ADARB2: variants seen among roughly 807,000 people sequenced by gnomAD.
The protein encoded by ADARB2 is inactive double-stranded RNA-specific editase B2.
Under a neutral mutation model 62.2 loss-of-function variants are expected in ADARB2, and 25 were observed. The observed-to-expected ratio is 0.40, with a 90% CI of 0.29 to 0.56. The LOEUF (loss-of-function observed/expected upper bound fraction) is 0.56, where lower values mean the gene tolerates loss of function less well. Among genes scored for constraint, ADARB2 ranks in the 20% least tolerant of loss-of-function variants. The probability of loss-of-function intolerance (pLI) is 0.43; values close to 1 mark genes in which losing one functional copy is unlikely to be tolerated. For synonymous variants in ADARB2, 572 were observed against 500.8 expected (o/e 1.14, Z -1.90); for missense variants, 1,071 against 1,077.4 (o/e 0.99, Z 0.08).
intron 8 of ADARB2, among the ~76,000 whole-genome samples, chr10:1,198,342 C>G (rs560852831): frequency 2.2e-4 from 34 of 152,210 alleles, no homozygotes; most frequent in Non-Finnish European, 4.6e-4. Context: ...TTCAAGCAAA[C>G]TTCATTTGCT....
chr10:1,566,103 A>C (rs4880872), intron 1 of ADARB2, among the ~76,000 whole-genome samples: 119,978 of 129,650 alleles, frequency 0.93, 55,616 homozygotes, highest in Admixed American at 0.96. Flanking sequence ...AAAAAAAAAA[A>C]AAAAAAACTC....
Position 1,271,097 on chromosome 10 carries a change from G to A in ADARB2, c.1078-28C>T, listed in dbSNP as rs368226163. 3.2e-5 allele frequency: 51 copies of A among 1,592,802 alleles called. 1 individual carries two copies. Among genetic ancestry groups the A allele is most frequent in the East Asian group, 4.5e-5 (2 of 44,566 alleles). On this transcript the variant is annotated intron_variant, in intron 3 of 9. Coordinates refer to ENST00000381312, the MANE Select transcript of ADARB2 (RefSeq NM_018702.4). Reference sequence around the variant, plus strand: ...GAAAGACACAAGCACAGGCCTCCACGTTGGGCTGAGCAGGTGCCGTGGAGG... The same window carrying A: ...GAAAGACACAAGCACAGGCCTCCACATTGGGCTGAGCAGGTGCCGTGGAGG...
intron 6 of ADARB2, among the ~76,000 whole-genome samples, chr10:1,230,991 T>C (rs1830799161): frequency 6.6e-6 from 1 of 152,200 alleles, no homozygotes; most frequent in Non-Finnish European, 1.5e-5. Flanking sequence ...TATTTGTTTT[T>C]CTAAAGCACA....
chr10:1,539,329 G>A (rs1013720792), intron 1 of ADARB2, among the ~76,000 whole-genome samples: 5 of 152,346 alleles, frequency 3.3e-5, no homozygotes, highest in African/African-American at 1.2e-4. Flanking sequence ...CCTAAGCCTT[G>A]CAGGTGTTAG....
chr10:1,277,006 A>G (rs1407123816), intron 3 of ADARB2, among the ~76,000 whole-genome samples: 2 of 152,230 alleles, frequency 1.3e-5, no homozygotes, highest in Admixed American at 1.3e-4. Context: ...CTGAATGACT[A>G]CTGGGTACAT....
intron 3 of ADARB2, among the ~76,000 whole-genome samples, chr10:1,311,318 T>C (rs1831688330): frequency 6.6e-6 from 1 of 152,202 alleles, no homozygotes. Flanking sequence ...CAGTTTTGTT[T>C]AGGCTTTTGG....
At chr10:1,537,838 G>A (rs1832353623) in intron 1 of ADARB2, among the ~76,000 whole-genome samples, 1 of 152,148 alleles carries the variant, frequency 6.6e-6, no homozygotes. Flanking sequence ...GGGAGGGACA[G>A]CATTAGGACA....
At chr10:1,309,966 C>T (rs1205567862) in intron 3 of ADARB2, among the ~76,000 whole-genome samples, 1 of 152,268 alleles carries the variant, frequency 6.6e-6, no homozygotes, top group Admixed American at 6.5e-5. Context: ...CAGCGTCTTC[C>T]ATCCCTGAGA....
rs138371558 is a variant in ADARB2 at position 1,507,107 on chromosome 10, G to A, written c.101-127947C>T. On this transcript the variant is annotated intron_variant, in intron 1 of 9. Transcript: ENST00000381312. Reference sequence around the variant, plus strand: ...GCCCAAGACGGTGGCCGAGACAGAAGCACTTCTGAGTCCTAGGGTGTTACT... The same window carrying A: ...GCCCAAGACGGTGGCCGAGACAGAAACACTTCTGAGTCCTAGGGTGTTACT... Among the ~76,000 whole-genome samples the A allele has an allele frequency of 6.2e-3, 944 of 152,358 alleles. 10 individuals carry two copies. Among genetic ancestry groups the A allele is most frequent in the African/African-American group, 0.021 (875 of 41,574 alleles).
chr10:1,666,351 A>G (rs1834316134), intron 1 of ADARB2, among the ~76,000 whole-genome samples: 2 of 152,220 alleles, frequency 1.3e-5, no homozygotes, highest in East Asian at 3.9e-4. Context: ...GCCGCAGCTC[A>G]TCTGCGAGTC....
At chr10:1,414,354 T>A (rs1832784240) in intron 1 of ADARB2, among the ~76,000 whole-genome samples, 1 of 152,198 alleles carries the variant, frequency 6.6e-6, no homozygotes, top group Non-Finnish European at 1.5e-5. Context: ...CACCAAGCTC[T>A]GTGCTAAAGG....
intron 3 of ADARB2, among the ~76,000 whole-genome samples, chr10:1,354,257 C>T (rs531463127): frequency 9.8e-5 from 15 of 152,296 alleles, no homozygotes; most frequent in South Asian, 2.1e-4. Context: ...CCATCATATT[C>T]GCTGTGACCT....
chr10:1,540,500 ATCACAGCCGCCCAG>A lies in ADARB2; in HGVS notation c.101-161354_101-161341del, dbSNP rs1233548878. ...CACTCAGACGTAGTTCAGACCCTGG[ATCACAGCCGCCCAG>A]ACCCCACTCAGACGTAGTTCAGACC... is the stretch of plus-strand genomic sequence containing the variant. On this transcript the variant is annotated intron_variant, in intron 1 of 9. Transcript: ENST00000381312. Among the ~76,000 whole-genome samples, 189 of 111,338 alleles carry A rather than the reference ATCACAGCCGCCCAG, an allele frequency of 1.7e-3. 4 individuals carry two copies. The highest frequency in any genetic ancestry group is 3.8e-3 in the African/African-American group (123 of 32,354). 73.0% of individuals were successfully genotyped at this position (111,338 alleles called of 152,430 possible).
intron 1 of ADARB2, among the ~76,000 whole-genome samples, chr10:1,538,480 G>A (rs1832362754): frequency 6.6e-6 from 1 of 152,206 alleles, no homozygotes; most frequent in South Asian, 2.1e-4. Context: ...GAGAGAAGTG[G>A]GCAGCTGTGG....
intron 1 of ADARB2, among the ~76,000 whole-genome samples, chr10:1,696,267 C>T (rs80270514): frequency 0.091 from 13,796 of 151,868 alleles, 761 homozygotes; most frequent in African/African-American, 0.15. Context: ...TGTGTATGTG[C>T]CTGTTTGTGT....
intron 1 of ADARB2, among the ~76,000 whole-genome samples, chr10:1,651,248 C>A (rs1403649162): frequency 6.6e-6 from 1 of 152,234 alleles, no homozygotes; most frequent in Non-Finnish European, 1.5e-5. Flanking sequence ...CCATTAGGAA[C>A]CACCCTGTGC....
chr10:1,306,431 C>T (rs1228188023), intron 3 of ADARB2, among the ~76,000 whole-genome samples: 1 of 151,802 alleles, frequency 6.6e-6, no homozygotes, highest in Non-Finnish European at 1.5e-5. Context: ...AATGGAAGAA[C>T]ATTCCATGCT....
At chr10:1,243,980 G>C (rs1164103515) in intron 4 of ADARB2, among the ~76,000 whole-genome samples, 1 of 152,228 alleles carries the variant, frequency 6.6e-6, no homozygotes, top group African/African-American at 2.4e-5. Flanking sequence ...AACAGGACAC[G>C]ACCAGCCGCC....
At chr10:1,375,646 G>A (rs1271570523) in intron 2 of ADARB2, among the ~76,000 whole-genome samples, 1 of 152,236 alleles carries the variant, frequency 6.6e-6, no homozygotes, top group African/African-American at 2.4e-5. Flanking sequence ...CACAGGGTGT[G>A]AAACACGGGA....
Sources: gnomAD v4.1 joint callset for allele counts (sites outside exome capture counted in the v4.1 genomes callset) on GRCh38, gnomAD v4.1.1 for gene constraint, MANE v1.5 for transcripts, NCBI Gene and HGNC (gene_info 2026-07-23, HGNC 2026-07-21) for gene names.